The following ZFPM2 variants were observed in gnomAD, a reference collection of about 807,000 sequenced individuals.
The protein encoded by ZFPM2 is zinc finger protein, FOG family member 2, also known as zinc finger protein ZFPM2.
A neutral mutation model predicts 98.6 loss-of-function variants in ZFPM2; 20 were observed. The ratio of observed to expected loss-of-function variants is 0.20; its 90% CI spans 0.14 to 0.29. The LOEUF (loss-of-function observed/expected upper bound fraction) is 0.29, where lower values mean the gene tolerates loss of function less well. ZFPM2 is among the 10% of genes least tolerant of loss of function. ZFPM2 has a pLI of 1.00. For missense variants in ZFPM2, 1,310 were observed against 1,388.6 expected, an observed-to-expected ratio of 0.94 and a Z score of 0.90; for synonymous variants, 518 against 502.7, an observed-to-expected ratio of 1.03 and a Z score of -0.41.
intron 5 of ZFPM2, among the ~76,000 whole-genome samples, chr8:105,759,959 C>T (rs577011476): frequency 6.6e-6 from 1 of 152,162 alleles, no homozygotes; most frequent in South Asian, 2.1e-4. Context: ...ACTTACTTTT[C>T]TACAGCTCTA....
intron 3 of ZFPM2, among the ~76,000 whole-genome samples, chr8:105,550,630 A>G (rs1393477345): frequency 6.6e-6 from 1 of 152,206 alleles, no homozygotes; most frequent in Non-Finnish European, 1.5e-5. Context: ...GAAGAAAGTG[A>G]TGAAATGTAT....
intron 6 of ZFPM2, among the ~76,000 whole-genome samples, chr8:105,792,191 A>G (rs1348123706): frequency 1.3e-5 from 2 of 152,028 alleles, no homozygotes; most frequent in African/African-American, 2.4e-5. Context: ...TAGAGTGTCA[A>G]TTTTGGATCT....
chr8:105,353,091 CA>C (rs1812679165), intron 1 of ZFPM2, among the ~76,000 whole-genome samples: 1 of 152,144 alleles, frequency 6.6e-6, no homozygotes, highest in South Asian at 2.1e-4. Context: ...ACTGTCTAAG[CA>C]AAAACATAAA....
At chr8:105,468,977 T>A (rs1299482613) in intron 3 of ZFPM2, among the ~76,000 whole-genome samples, 1 of 151,942 alleles carries the variant, frequency 6.6e-6, no homozygotes, top group Non-Finnish European at 1.5e-5. Context: ...TTTTTTTTTT[T>A]ATGTGAGTGA....
At chr8:105,765,473 G>C (rs1367912494) in intron 5 of ZFPM2, among the ~76,000 whole-genome samples, 1 of 151,608 alleles carries the variant, frequency 6.6e-6, no homozygotes, top group Non-Finnish European at 1.5e-5. Context: ...AGTTCCAGTC[G>C]CTTTATTTAA....
chr8:105,785,727 G>C (rs1331391111), intron 5 of ZFPM2, among the ~76,000 whole-genome samples: 1 of 151,840 alleles, frequency 6.6e-6, no homozygotes, highest in Non-Finnish European at 1.5e-5. Flanking sequence ...AACATAGTGA[G>C]ACTCCATCTC....
chr8:105,630,925 T>C (rs79365994), intron 4 of ZFPM2, among the ~76,000 whole-genome samples: 9,245 of 152,166 alleles, frequency 0.061, 305 homozygotes, highest in Admixed American at 0.094. Flanking sequence ...GCATTGAAAG[T>C]ACAGCCTCCT....
intron 5 of ZFPM2, among the ~76,000 whole-genome samples, chr8:105,677,983 A>T (rs562405433): frequency 6.6e-6 from 1 of 152,256 alleles, no homozygotes; most frequent in Admixed American, 6.5e-5. Flanking sequence ...TAAATTGGGC[A>T]TTTCAGAGGA....
chr8:105,685,105 A>T (rs1022112599), intron 5 of ZFPM2, among the ~76,000 whole-genome samples: 1 of 152,132 alleles, frequency 6.6e-6, no homozygotes, highest in African/African-American at 2.4e-5. Flanking sequence ...AGTATTATTA[A>T]CTAAAAGCAA....
At chr8:105,445,276 A>G (rs1298172481) in intron 3 of ZFPM2, among the ~76,000 whole-genome samples, 1 of 152,200 alleles carries the variant, frequency 6.6e-6, no homozygotes, top group Non-Finnish European at 1.5e-5. Context: ...AAAAATGAAG[A>G]TACAGTATAT....
chr8:105,802,980 C>T lies in ZFPM2; in HGVS notation c.2898C>T (p.Cys966=), dbSNP rs749520882. Residue 966 remains cysteine, a synonymous_variant, in exon 8 of 8, where the codon TGC becomes TGT. Transcript: ENST00000407775. ...ACAGACATTTGTTTCTTCCACAATGCCTTTACCCTGGAGCAATAAAGAAAG... is the reference window on the plus strand; with the variant it reads ...ACAGACATTTGTTTCTTCCACAATGTCTTTACCCTGGAGCAATAAAGAAAG... ...EENRHLFLPQ[C]LYPGAIKKAK... is the part of the protein sequence containing the mutation. 3.1e-6 allele frequency: 5 copies of T among 1,612,688 alleles called. No homozygotes were observed. The highest frequency in any genetic ancestry group is 4.5e-5 in the East Asian group (2 of 44,822).
chr8:105,404,337 T>G (rs1811399282), intron 1 of ZFPM2, among the ~76,000 whole-genome samples: 1 of 152,058 alleles, frequency 6.6e-6, no homozygotes, highest in Admixed American at 6.6e-5. Flanking sequence ...TTAGAATTTT[T>G]TTCATTGGAA....
At chr8:105,530,657 T>C (rs1814278464) in intron 3 of ZFPM2, among the ~76,000 whole-genome samples, 2 of 152,142 alleles carry the variant, frequency 1.3e-5, no homozygotes, top group Admixed American at 6.6e-5. Flanking sequence ...ACAAATCTTA[T>C]TGGATTAGGG....
chr8:105,404,591 T>C (rs1412697523), intron 1 of ZFPM2, among the ~76,000 whole-genome samples: 1 of 152,118 alleles, frequency 6.6e-6, no homozygotes, highest in African/African-American at 2.4e-5. Flanking sequence ...CTTCGAGTCA[T>C]GTTAAATAGT....
chr8:105,733,566 T>G (rs1811995107), intron 5 of ZFPM2, among the ~76,000 whole-genome samples: 1 of 151,866 alleles, frequency 6.6e-6, no homozygotes, highest in Non-Finnish European at 1.5e-5. Flanking sequence ...TACTGGTGAT[T>G]AACAGATTTT....
chr8:105,432,058 A>G (rs1409333870), intron 2 of ZFPM2, among the ~76,000 whole-genome samples: 3 of 152,090 alleles, frequency 2.0e-5, no homozygotes, highest in Admixed American at 1.3e-4. Context: ...ATGCAAGGAG[A>G]GCAATAGAGA....
chr8:105,590,388 G>C (rs1007506557), intron 4 of ZFPM2, among the ~76,000 whole-genome samples: 1 of 152,154 alleles, frequency 6.6e-6, no homozygotes, highest in African/African-American at 2.4e-5. Context: ...ATACTTCAGT[G>C]TCATATAGTG....
chr8:105,629,238 C>T (rs367852406), intron 4 of ZFPM2, among the ~76,000 whole-genome samples: 9 of 152,108 alleles, frequency 5.9e-5, no homozygotes, highest in African/African-American at 1.4e-4. Context: ...CTCCCTCCCG[C>T]GAGGAGATGA....
intron 1 of ZFPM2, among the ~76,000 whole-genome samples, chr8:105,380,645 TTATA>T (rs1192936685): frequency 3.9e-5 from 1 of 25,680 alleles, no homozygotes; most frequent in Non-Finnish European, 6.2e-5. Flanking sequence ...TATATATATA[TTATA>T]TATATATATT....
Sources: gnomAD v4.1 joint callset for allele counts (sites outside exome capture counted in the v4.1 genomes callset) on GRCh38, gnomAD v4.1.1 for gene constraint, MANE v1.5 for transcripts, NCBI Gene and HGNC (gene_info 2026-07-23, HGNC 2026-07-21) for gene names.